Variants in ANTXR1 observed in about 807,000 individuals in gnomAD.
ANTXR1 encodes the protein anthrax toxin receptor 1.
In ANTXR1, 19 loss-of-function variants were observed where a neutral mutation model predicts 78.1. That is an observed-to-expected ratio of 0.24 (90% CI 0.17 to 0.36). ANTXR1 has a LOEUF of 0.36. ANTXR1 is among the 10% of genes least tolerant of loss of function. The probability of loss-of-function intolerance (pLI) is 1.00; values close to 1 mark genes in which losing one functional copy is unlikely to be tolerated. For synonymous variants in ANTXR1, 273 were observed against 260.5 expected, an observed-to-expected ratio of 1.05 and a Z score of -0.46; for missense variants, 518 against 718.6, an observed-to-expected ratio of 0.72 and a Z score of 3.19.
At chr2:69,160,908 C>T (rs553171367) in intron 13 of ANTXR1, among the ~76,000 whole-genome samples, 38 of 152,316 alleles carry the variant, frequency 2.5e-4, no homozygotes, top group Middle Eastern at 3.4e-3. Flanking sequence ...TCCTAGAGAA[C>T]GCTGAAGCAG....
intron 17 of ANTXR1, among the ~76,000 whole-genome samples, chr2:69,209,646 A>G (rs1442654671): frequency 6.6e-6 from 1 of 152,254 alleles, no homozygotes; most frequent in East Asian, 1.9e-4. Flanking sequence ...GACATTGAAG[A>G]TGAGATCTGA....
chr2:69,178,267 A>G (rs7559763), intron 14 of ANTXR1, among the ~76,000 whole-genome samples: 4,951 of 152,296 alleles, frequency 0.033, 281 homozygotes, highest in African/African-American at 0.11. Context: ...TGTCTCCAGA[A>G]TGTGTAAACA....
chr2:69,146,097 A>G (rs1673219636), intron 12 of ANTXR1: 1 of 985,474 alleles, frequency 1.0e-6, no homozygotes, highest in Non-Finnish European at 1.2e-6. Context: ...ACATGCCCGA[A>G]TGAAGGAGCG....
chr2:69,155,282 C>T (rs7578307), intron 13 of ANTXR1, among the ~76,000 whole-genome samples: 27,917 of 152,172 alleles, frequency 0.18, 3,473 homozygotes, highest in East Asian at 0.47. Flanking sequence ...CTCAGTATCG[C>T]CAGGTGGACC....
intron 17 of ANTXR1, among the ~76,000 whole-genome samples, chr2:69,200,949 G>C (rs1479309659): frequency 5.3e-5 from 8 of 152,160 alleles, no homozygotes. Context: ...TCTGGGGCTT[G>C]AATTTAGGAC....
At chr2:69,139,789 C>T (rs1481025440) in intron 12 of ANTXR1, among the ~76,000 whole-genome samples, 1 of 151,984 alleles carries the variant, frequency 6.6e-6, no homozygotes, top group East Asian at 1.9e-4. Context: ...TCAATCAGAC[C>T]AATTGAGCAT....
Position 69,245,454 on chromosome 2 carries a change from C to T in ANTXR1, c.1664C>T (p.Pro555Leu), listed in dbSNP as rs140071689. Residue 555 changes from proline (P) to leucine (L), a missense_variant, in exon 18 of 18, where the codon CCC (proline) becomes CTC (leucine). Physicochemically the swap from Pro to Leu is moderately conservative, Grantham distance 98 (BLOSUM62 -3). This residue lies in a region of ANTXR1 where 192 missense variants were observed against 230.2 expected (regional missense o/e 0.83). Transcript: ENST00000303714. ...CCACCTCCCAACAGGGCACCTCCTCCCTCCCGCCCTCCTCCAAGGCCTTCT... is the reference window on the plus strand; with the variant it reads ...CCACCTCCCAACAGGGCACCTCCTCTCTCCCGCCCTCCTCCAAGGCCTTCT... ...QAPPPNRAPP[P>L]SRPPPRPSV is the part of the protein sequence containing the mutation. 1.1e-4 allele frequency: 182 copies of T among 1,611,518 alleles called. No homozygotes were observed. Among genetic ancestry groups the T allele is most frequent in the Non-Finnish European group, 1.2e-4 (146 of 1,179,320 alleles).
rs558872780 is a variant in ANTXR1, at chr2:69,040,411, C to G, written c.224+296C>G. 6.6e-5 allele frequency among the ~76,000 whole-genome samples: 10 copies of G among 152,334 alleles called. No individual in the cohort carries two copies. In the South Asian group the frequency reaches 1.9e-3, roughly 28 times the overall value. ...TATTACCTTTAACATTTTTCTTGCA[C>G]ACTGCATCATGCAGCAGCAATTGGC... On this transcript the variant is annotated intron_variant, in intron 2 of 17. Transcript: ENST00000303714.
intron 2 of ANTXR1, among the ~76,000 whole-genome samples, chr2:69,042,017 C>T (rs1221994346): frequency 6.6e-6 from 1 of 152,176 alleles, no homozygotes; most frequent in Non-Finnish European, 1.5e-5. Flanking sequence ...ATAGTACATG[C>T]TCAGTCAGTA....
At chr2:69,141,297 G>T (rs1384284562) in intron 12 of ANTXR1, among the ~76,000 whole-genome samples, 1 of 152,220 alleles carries the variant, frequency 6.6e-6, no homozygotes, top group East Asian at 1.9e-4. Flanking sequence ...CAGGATCTCT[G>T]CATGCCTTGT....
intron 1 of ANTXR1, among the ~76,000 whole-genome samples, chr2:69,032,387 C>T (rs994972231): frequency 7.9e-5 from 12 of 152,094 alleles, no homozygotes; most frequent in South Asian, 4.1e-4. Context: ...CCCACCCCCC[C>T]AAAATTTCCA....
intron 12 of ANTXR1, among the ~76,000 whole-genome samples, chr2:69,141,555 C>T (rs1359926897): frequency 1.3e-5 from 2 of 152,090 alleles, no homozygotes; most frequent in East Asian, 1.9e-4. Context: ...TCTCGGGTCT[C>T]GACAATTAGC....
intron 12 of ANTXR1, among the ~76,000 whole-genome samples, chr2:69,146,847 C>T (rs1273812262): frequency 6.6e-6 from 1 of 152,214 alleles, no homozygotes; most frequent in East Asian, 1.9e-4. Flanking sequence ...TCTATGTGGC[C>T]CTATGGTCTC....
chr2:69,180,666 A>G (rs987973379), intron 14 of ANTXR1, among the ~76,000 whole-genome samples: 1 of 152,240 alleles, frequency 6.6e-6, no homozygotes, highest in Non-Finnish European at 1.5e-5. Context: ...CCCACCACAT[A>G]CAACATAGTG....
intron 8 of ANTXR1, among the ~76,000 whole-genome samples, chr2:69,086,904 A>T (rs1295798778): frequency 6.6e-6 from 1 of 152,230 alleles, no homozygotes; most frequent in Non-Finnish European, 1.5e-5. Flanking sequence ...TGTCTATAAG[A>T]CAAAAACCTT....
chr2:69,134,805 C>T (rs1479806606), intron 12 of ANTXR1, among the ~76,000 whole-genome samples: 1 of 152,194 alleles, frequency 6.6e-6, no homozygotes, highest in Non-Finnish European at 1.5e-5. Flanking sequence ...GTACTTCAAA[C>T]TCCTGAGAAT....
chr2:69,123,581 C>T (rs1026915307), intron 11 of ANTXR1, among the ~76,000 whole-genome samples: 3 of 152,214 alleles, frequency 2.0e-5, no homozygotes, highest in Admixed American at 1.3e-4. Context: ...CCCAGACTCA[C>T]GCCTTCTGAT....
At chr2:69,137,529 G>A (rs1672946572) in intron 12 of ANTXR1, among the ~76,000 whole-genome samples, 1 of 152,076 alleles carries the variant, frequency 6.6e-6, no homozygotes, top group Admixed American at 6.5e-5. Flanking sequence ...ACAATTATAG[G>A]AAGAAGTGCA....
chr2:69,117,807 G>A (rs1672199003), intron 10 of ANTXR1, among the ~76,000 whole-genome samples: 1 of 152,200 alleles, frequency 6.6e-6, no homozygotes, highest in Non-Finnish European at 1.5e-5. Context: ...TGGAGAATGT[G>A]TGTCCCTAGT....
Sources: allele counts gnomAD v4.1 joint callset (sites outside exome capture counted in the v4.1 genomes callset), GRCh38; gene constraint gnomAD v4.1.1; regional missense constraint gnomAD v4.1.1; transcripts MANE v1.5; gene names NCBI Gene and HGNC (gene_info 2026-07-23, HGNC 2026-07-21).